Variants in ERC2 observed in about 807,000 individuals in gnomAD.
The protein encoded by ERC2 is ELKS/RAB6-interacting/CAST family member 2.
In ERC2, 42 loss-of-function variants were observed where a neutral mutation model predicts 114.8. The ratio of observed to expected loss-of-function variants is 0.37; its 90% confidence interval spans 0.29 to 0.47. The LOEUF is 0.47. Among genes scored for constraint, ERC2 ranks in the 20% least tolerant of loss-of-function variants. The pLI, the probability that ERC2 is intolerant of heterozygous loss-of-function variation, is 0.99. For missense variants in ERC2, 939 were observed against 1,150.7 expected (o/e 0.82, Z 2.66); for synonymous variants, 454 against 425.5 (o/e 1.07, Z -0.82).
intron 3 of ERC2, among the ~76,000 whole-genome samples, chr3:56,295,320 C>A (rs2055357860): frequency 6.6e-6 from 1 of 152,068 alleles, no homozygotes; most frequent in South Asian, 2.1e-4. Context: ...AAATTTCAAA[C>A]CTTGGCAGTC....
At chr3:55,641,579 A>G (rs2060187738) in intron 17 of ERC2, among the ~76,000 whole-genome samples, 1 of 128,692 alleles carries the variant, frequency 7.8e-6, no homozygotes, top group African/African-American at 2.9e-5. Context: ...AAAAAAAAAA[A>G]GCCAATATAC....
Position 55,953,425 on chromosome 3 carries a change from A to G in ERC2, c.2268-2865T>C, listed in dbSNP as rs563879390. Among the ~76,000 whole-genome samples, 13 of 152,322 alleles carry G rather than the reference A, an allele frequency of 8.5e-5. No homozygotes were observed. In the South Asian group the frequency reaches 2.7e-3, roughly 32 times the overall value. Reference sequence around the variant, plus strand: ...GAGAATGATCATCTTGTCTTTGTTCATGAAACTGTCAATAGCTACATATAG... The same window carrying G: ...GAGAATGATCATCTTGTCTTTGTTCGTGAAACTGTCAATAGCTACATATAG... On this transcript the variant is annotated intron_variant, in intron 12 of 17. Transcript: ENST00000288221.
At chr3:56,457,236 G>A (rs764662428) in intron 1 of ERC2, among the ~76,000 whole-genome samples, 1 of 152,178 alleles carries the variant, frequency 6.6e-6, no homozygotes, top group Non-Finnish European at 1.5e-5. Context: ...TTTGTCCTAG[G>A]TGATATTGGG....
At chr3:56,395,569 A>T (rs1442723476) in intron 2 of ERC2, among the ~76,000 whole-genome samples, 1 of 152,070 alleles carries the variant, frequency 6.6e-6, no homozygotes. Flanking sequence ...GTCATTTAAA[A>T]GTGTGTGGCA....
chr3:56,143,803 T>C (rs1409136020), intron 5 of ERC2, among the ~76,000 whole-genome samples: 3 of 152,236 alleles, frequency 2.0e-5, no homozygotes, highest in African/African-American at 7.2e-5. Context: ...TTTTAAAATA[T>C]ATGTTTAAAA....
chr3:56,051,294 A>G (rs2075752230), intron 7 of ERC2, among the ~76,000 whole-genome samples: 1 of 152,208 alleles, frequency 6.6e-6, no homozygotes, highest in Admixed American at 6.5e-5. Context: ...AGATGGTTTT[A>G]ACATTTTTCA....
chr3:56,439,783 C>G (rs2062204262), intron 1 of ERC2, among the ~76,000 whole-genome samples: 2 of 151,362 alleles, frequency 1.3e-5, no homozygotes, highest in South Asian at 2.1e-4. Flanking sequence ...ATGTTCATTT[C>G]TCTTTAATCA....
At chr3:55,902,494 C>G (rs147956204) in intron 13 of ERC2, among the ~76,000 whole-genome samples, 1 of 152,146 alleles carries the variant, frequency 6.6e-6, no homozygotes. Context: ...GTTCTCCCCA[C>G]GTACAAAGCG....
At chr3:56,066,889 T>C (rs940169552) in intron 7 of ERC2, among the ~76,000 whole-genome samples, 5 of 152,230 alleles carry the variant, frequency 3.3e-5, no homozygotes, top group Non-Finnish European at 5.9e-5. Flanking sequence ...GAGATCTCTA[T>C]TCTGTTCCAT....
At chr3:55,675,903 CTTTTTTTTTTTTTTTTTT>C (rs869296098) in intron 17 of ERC2, among the ~76,000 whole-genome samples, 3 of 47,996 alleles carry the variant, frequency 6.3e-5, no homozygotes, top group East Asian at 4.4e-4. Flanking sequence ...TCTTTTCTTT[CTTTTTTTTTTTTTTTTTT>C]TTTTTTTTTT....
chr3:55,734,390 A>G (rs2065492429), intron 15 of ERC2, among the ~76,000 whole-genome samples: 1 of 152,226 alleles, frequency 6.6e-6, no homozygotes, highest in South Asian at 2.1e-4. Flanking sequence ...CCAGAAAATG[A>G]GCAAGACGGA....
intron 3 of ERC2, among the ~76,000 whole-genome samples, chr3:56,211,590 A>C: frequency 6.6e-6 from 1 of 150,522 alleles, no homozygotes; most frequent in East Asian, 1.9e-4. Context: ...ACAGAAGTAG[A>C]AAAAAAAAAT....
intron 17 of ERC2, among the ~76,000 whole-genome samples, chr3:55,605,860 G>A (rs942518049): frequency 2.0e-5 from 3 of 152,192 alleles, no homozygotes; most frequent in Admixed American, 6.5e-5. Flanking sequence ...GTAAAAGCAA[G>A]TAGATTCAAA....
chr3:56,420,177 C>CTTTTTTTTTT (rs34883402), intron 2 of ERC2, among the ~76,000 whole-genome samples: 1 of 72,292 alleles, frequency 1.4e-5, no homozygotes, highest in Non-Finnish European at 2.5e-5. Context: ...AGTGGTTATA[C>CTTTTTTTTTT]TTTTTTTTTT....
intron 17 of ERC2, among the ~76,000 whole-genome samples, chr3:55,679,549 C>T (rs993082892): frequency 1.3e-5 from 2 of 152,166 alleles, no homozygotes; most frequent in Admixed American, 1.3e-4. Flanking sequence ...CAATCTTATT[C>T]GTCACTGGTT....
chr3:56,030,792 T>C (rs984556385), intron 7 of ERC2, among the ~76,000 whole-genome samples: 1 of 152,224 alleles, frequency 6.6e-6, no homozygotes, highest in Admixed American at 6.5e-5. Context: ...TAAGTAATTA[T>C]ACCCTCCGAA....
chr3:56,208,074 T>C (rs1283115439), intron 3 of ERC2, among the ~76,000 whole-genome samples: 3 of 152,212 alleles, frequency 2.0e-5, no homozygotes, highest in African/African-American at 7.2e-5. Flanking sequence ...CTGTAGTAAT[T>C]TGATCCCCAA....
intron 4 of ERC2, among the ~76,000 whole-genome samples, chr3:56,154,844 A>G (rs1484416451): frequency 6.6e-6 from 1 of 152,144 alleles, no homozygotes; most frequent in African/African-American, 2.4e-5. Flanking sequence ...AAGAGAGTGA[A>G]AAGTTGTCAT....
At chr3:55,814,808 T>G (rs1313864282) in intron 14 of ERC2, among the ~76,000 whole-genome samples, 1 of 152,218 alleles carries the variant, frequency 6.6e-6, no homozygotes, top group East Asian at 1.9e-4. Context: ...GTGTGGCACA[T>G]GCTGGAACTC....
Sources: gnomAD v4.1 joint callset for allele counts (sites outside exome capture counted in the v4.1 genomes callset) on GRCh38, gnomAD v4.1.1 for gene constraint, MANE v1.5 for transcripts, NCBI Gene and HGNC (gene_info 2026-07-23, HGNC 2026-07-21) for gene names.